Variants in GALNT13 observed in about 807,000 individuals in gnomAD.
The protein encoded by GALNT13 is polypeptide N-acetylgalactosaminyltransferase 13.
Under a neutral mutation model 64.2 loss-of-function variants are expected in GALNT13, and 28 were observed. That is an observed-to-expected ratio of 0.44 (90% CI 0.32 to 0.60). The LOEUF (loss-of-function observed/expected upper bound fraction) is 0.60, where lower values mean the gene tolerates loss of function less well. GALNT13 is among the 20% of genes least tolerant of loss of function. GALNT13 has a pLI of 0.05. For synonymous variants in GALNT13, 214 were observed against 224.6 expected (o/e 0.95, Z 0.42); for missense variants, 577 against 669.8 (o/e 0.86, Z 1.53).
rs144624283 is a variant in GALNT13 at position 153,920,732 on chromosome 2, A to G, written c.-105+19725A>G. Reference sequence around the variant, plus strand: ...ATGAGAAAATATTTGCAAGCTATGCATCGAACAAAGGTCAAATATCCAGAA... The same window carrying G: ...ATGAGAAAATATTTGCAAGCTATGCGTCGAACAAAGGTCAAATATCCAGAA... On this transcript the variant is annotated intron_variant, in intron 2 of 12. Coordinates refer to ENST00000392825, the MANE Select transcript of GALNT13 (RefSeq NM_052917.4). Among the ~76,000 whole-genome samples the G allele has an allele frequency of 1.8e-4, 28 of 152,326 alleles. No homozygotes were observed. In the East Asian group the frequency reaches 4.6e-3, roughly 25 times the overall value.
chr2:154,260,034 C>A (rs917138580), intron 8 of GALNT13, among the ~76,000 whole-genome samples: 21 of 151,996 alleles, frequency 1.4e-4, no homozygotes, highest in African/African-American at 2.7e-4. Flanking sequence ...AGGTGTGCAA[C>A]ACTACTCCTA....
chr2:153,314,572 A>G, the GALNT13 span, among the ~76,000 whole-genome samples: 1 of 152,164 alleles, frequency 6.6e-6, no homozygotes, highest in African/African-American at 2.4e-5. Flanking sequence ...AAACACTGAA[A>G]TAATACAGAG....
chr2:154,171,131 T>C (rs1292389409), intron 4 of GALNT13, among the ~76,000 whole-genome samples: 1 of 152,152 alleles, frequency 6.6e-6, no homozygotes, highest in Non-Finnish European at 1.5e-5. Context: ...CTGAAAAAAG[T>C]AACTGAGGTT....
the GALNT13 span, among the ~76,000 whole-genome samples, chr2:153,608,515 T>C: frequency 2.0e-5 from 3 of 151,832 alleles, no homozygotes; most frequent in South Asian, 6.2e-4. Flanking sequence ...GTATCCATCA[T>C]GATAATATTG....
the GALNT13 span, among the ~76,000 whole-genome samples, chr2:153,816,950 G>A: frequency 1.1e-4 from 16 of 152,284 alleles, no homozygotes; most frequent in African/African-American, 3.6e-4. Context: ...CCCTTGGAAT[G>A]GTATTGGGCC....
intron 8 of GALNT13, among the ~76,000 whole-genome samples, chr2:154,290,957 G>A (rs145498692): frequency 6.6e-6 from 1 of 151,342 alleles, no homozygotes; most frequent in African/African-American, 2.4e-5. Flanking sequence ...TCGTGGTCTC[G>A]CGGGCTTCAG....
the GALNT13 span, among the ~76,000 whole-genome samples, chr2:153,087,294 A>G: frequency 6.4e-4 from 97 of 152,128 alleles, 1 homozygote; most frequent in East Asian, 0.018. Context: ...ATTTATTTGC[A>G]TATGTTAAAC....
rs189650072 is a variant in GALNT13 at position 154,300,396 on chromosome 2, C to T, written c.976-1013C>T. Among the ~76,000 whole-genome samples the T allele has an allele frequency of 1.1e-4, 16 of 152,140 alleles. No individual in the cohort carries two copies. The East Asian group carries it at 3.1e-3, about 29-fold the overall frequency. ...GGGATTACAAGTGTGAGCCACCGCACCTGGCCAGAAATGGCCAGAAAGATA... is the reference window on the plus strand; with the variant it reads ...GGGATTACAAGTGTGAGCCACCGCATCTGGCCAGAAATGGCCAGAAAGATA... On this transcript the variant is annotated intron_variant, in intron 8 of 12. Coordinates refer to ENST00000392825, the MANE Select transcript of GALNT13 (RefSeq NM_052917.4).
chr2:154,077,003 C>G (rs1701022462), intron 3 of GALNT13, among the ~76,000 whole-genome samples: 1 of 151,540 alleles, frequency 6.6e-6, no homozygotes, highest in African/African-American at 2.4e-5. Flanking sequence ...TTTAAACTAC[C>G]ATTTGAAGTA....
intron 8 of GALNT13, among the ~76,000 whole-genome samples, chr2:154,281,479 G>A (rs1010685879): frequency 1.3e-5 from 2 of 152,136 alleles, no homozygotes; most frequent in African/African-American, 4.8e-5. Flanking sequence ...GCCATAAAGT[G>A]TGGTGATCAA....
At chr2:153,926,071 A>T (rs1034429568) in intron 2 of GALNT13, among the ~76,000 whole-genome samples, 1 of 151,634 alleles carries the variant, frequency 6.6e-6, no homozygotes, top group Non-Finnish European at 1.5e-5. Context: ...GTCAATCATG[A>T]TTTTTTTCAA....
chr2:153,323,814 T>C, the GALNT13 span, among the ~76,000 whole-genome samples: 1 of 152,170 alleles, frequency 6.6e-6, no homozygotes, highest in Non-Finnish European at 1.5e-5. Context: ...TGTGGTCTTA[T>C]TTCTGAGGCC....
chr2:153,314,548 C>T, the GALNT13 span, among the ~76,000 whole-genome samples: 1 of 151,894 alleles, frequency 6.6e-6, no homozygotes, highest in African/African-American at 2.4e-5. Flanking sequence ...ACAAAACAAA[C>T]TCAATAAATT....
intron 3 of GALNT13, among the ~76,000 whole-genome samples, chr2:154,042,864 G>A (rs1026292280): frequency 3.3e-5 from 5 of 151,822 alleles, no homozygotes; most frequent in South Asian, 2.1e-4. Flanking sequence ...TGTTTGCCCC[G>A]GGGAATACTT....
intron 7 of GALNT13, among the ~76,000 whole-genome samples, chr2:154,247,582 C>T (rs1167250538): frequency 6.6e-6 from 1 of 152,002 alleles, no homozygotes; most frequent in African/African-American, 2.4e-5. Context: ...AGCCAGCATT[C>T]ACAGTAAGAA....
At chr2:154,159,618 C>T (rs1684618449) in intron 4 of GALNT13, among the ~76,000 whole-genome samples, 2 of 151,918 alleles carry the variant, frequency 1.3e-5, no homozygotes, top group Admixed American at 1.3e-4. Context: ...TTTTTAGAGA[C>T]ATACTAAGAT....
intron 3 of GALNT13, among the ~76,000 whole-genome samples, chr2:154,019,347 A>G (rs920267038): frequency 1.3e-5 from 2 of 152,148 alleles, no homozygotes; most frequent in African/African-American, 4.8e-5. Flanking sequence ...TGAAAAATAC[A>G]TACATGGCCA....
At chr2:153,645,424 C>T in the GALNT13 span, among the ~76,000 whole-genome samples, 6 of 151,704 alleles carry the variant, frequency 4.0e-5, no homozygotes, top group African/African-American at 1.2e-4. Context: ...AAAGGTTTTT[C>T]TTTAATGGCA....
chr2:153,921,582 A>T (rs547255635), intron 2 of GALNT13, among the ~76,000 whole-genome samples: 1 of 152,286 alleles, frequency 6.6e-6, no homozygotes, highest in South Asian at 2.1e-4. Flanking sequence ...TTACCTGTAT[A>T]ACAAAACTGC....
Sources: allele counts gnomAD v4.1 joint callset (sites outside exome capture counted in the v4.1 genomes callset), GRCh38; gene constraint gnomAD v4.1.1; transcripts MANE v1.5; gene names NCBI Gene and HGNC (gene_info 2026-07-23, HGNC 2026-07-21).